DCP1A: variants seen among roughly 807,000 people sequenced by gnomAD.
The protein encoded by DCP1A is mRNA-decapping enzyme 1A.
Under a neutral mutation model 58.0 loss-of-function variants are expected in DCP1A, and 20 were observed. The observed-to-expected ratio is 0.34, with a 90% CI of 0.24 to 0.50. The LOEUF is 0.50. Among genes scored for constraint, DCP1A ranks in the 20% least tolerant of loss-of-function variants. DCP1A has a pLI of 0.98. For synonymous variants in DCP1A, 285 were observed against 275.1 expected, an observed-to-expected ratio of 1.04 and a Z score of -0.36; for missense variants, 613 against 712.2, an observed-to-expected ratio of 0.86 and a Z score of 1.59.
chr3:53,289,898 G>A (rs1553685730), intron 8 of DCP1A, among the ~76,000 whole-genome samples: 1 of 152,160 alleles, frequency 6.6e-6, no homozygotes, highest in African/African-American at 2.4e-5. Flanking sequence ...CAACGGTATG[G>A]TTTTTGGCAT....
intron 2 of DCP1A, among the ~76,000 whole-genome samples, chr3:53,343,145 C>T (rs1441340765): frequency 3.3e-5 from 5 of 152,172 alleles, no homozygotes; most frequent in African/African-American, 1.2e-4. Context: ...TAACAGAACA[C>T]TATTCTATAG....
chr3:53,338,477 C>T (rs782393858), intron 3 of DCP1A, among the ~76,000 whole-genome samples: 1 of 152,080 alleles, frequency 6.6e-6, no homozygotes, highest in East Asian at 1.9e-4. Flanking sequence ...AATCACCAAG[C>T]CTAAGCCCTT....
In DCP1A at chr3:53,347,030, AC is replaced by A. The variant is rs138841815; in HGVS notation, c.135+352del. On this transcript the variant is annotated intron_variant, in intron 1 of 9. Coordinates refer to ENST00000610213, the MANE Select transcript of DCP1A (RefSeq NM_018403.7). Reference sequence around the variant, plus strand: ...TCTAATAATCCGCAAAGCCTCAAACACAAGCTTTCAGGCACCCTTTTGACCC... The same window carrying A: ...TCTAATAATCCGCAAAGCCTCAAACAAAGCTTTCAGGCACCCTTTTGACCC... Among the ~76,000 whole-genome samples the A allele has an allele frequency of 6.3e-3, 964 of 152,272 alleles. 9 individuals are homozygous for A. Among genetic ancestry groups the A allele is most frequent in the African/African-American group, 0.022 (906 of 41,534 alleles).
At chr3:53,311,831 C>T (rs1707652064) in intron 5 of DCP1A, among the ~76,000 whole-genome samples, 1 of 152,140 alleles carries the variant, frequency 6.6e-6, no homozygotes, top group African/African-American at 2.4e-5. Flanking sequence ...CCATCTTCTC[C>T]CATAGTAATC....
At chr3:53,324,545 T>C (rs566940593) in intron 3 of DCP1A, among the ~76,000 whole-genome samples, 2 of 152,362 alleles carry the variant, frequency 1.3e-5, no homozygotes, top group South Asian at 2.1e-4. Context: ...TGATTAACTA[T>C]CCTACAGAGA....
intron 4 of DCP1A, among the ~76,000 whole-genome samples, chr3:53,315,749 T>TTG (rs1382143887): frequency 9.6e-6 from 1 of 104,368 alleles, no homozygotes; most frequent in African/African-American, 4.0e-5. Flanking sequence ...TTGTTGTTTT[T>TTG]TTTTTTTGTT....
chr3:53,314,715 G>C (rs1420658784), intron 4 of DCP1A, among the ~76,000 whole-genome samples: 1 of 131,178 alleles, frequency 7.6e-6, no homozygotes, highest in Non-Finnish European at 1.6e-5. Context: ...TCTGTCACCC[G>C]GGCTAGAGTG....
chr3:53,294,042 C>T (rs1277675899), intron 6 of DCP1A, among the ~76,000 whole-genome samples: 3 of 152,174 alleles, frequency 2.0e-5, no homozygotes, highest in Non-Finnish European at 2.9e-5. Flanking sequence ...AGCACAGCCA[C>T]TGAGAGCCAC....
chr3:53,310,324 G>A (rs1209449298), intron 5 of DCP1A, among the ~76,000 whole-genome samples: 1 of 152,164 alleles, frequency 6.6e-6, no homozygotes, highest in Non-Finnish European at 1.5e-5. Context: ...CCTGACCCTA[G>A]AGTTCCTTTA....
chr3:53,315,744 GTTTTTTTTTTTTGTT>G (rs1181288806), intron 4 of DCP1A, among the ~76,000 whole-genome samples: 4 of 95,434 alleles, frequency 4.2e-5, no homozygotes, highest in African/African-American at 1.3e-4. Flanking sequence ...TCAGTTTGTT[GTTTTTTTTTTTTGTT>G]TTTTTTTTTT....
intron 9 of DCP1A, 47 bp downstream of exon 9, chr3:53,288,018 T>G (rs2106783978): frequency 2.0e-6 from 3 of 1,523,956 alleles, no homozygotes; most frequent in Middle Eastern, 3.5e-4. Context: ...TAAAATTTCT[T>G]TCATTAAATA....
intron 3 of DCP1A, among the ~76,000 whole-genome samples, chr3:53,322,206 A>T (rs1296005388): frequency 3.9e-5 from 6 of 152,088 alleles, no homozygotes; most frequent in Non-Finnish European, 5.9e-5. Flanking sequence ...TAATCCTGGC[A>T]CCCTGGAAGG....
intron 4 of DCP1A, among the ~76,000 whole-genome samples, chr3:53,317,906 A>G (rs1575608761): frequency 6.6e-6 from 1 of 152,352 alleles, no homozygotes; most frequent in East Asian, 1.9e-4. Flanking sequence ...CAGGGGGCCG[A>G]TAACTTCCGA....
chr3:53,323,740 T>C lies in DCP1A; in HGVS notation c.305-4267A>G, dbSNP rs558659646. ...AGCTGGGCGTGGTGATGCATGTTTA[T>C]AATCCCAGCTACTCGGGAGGCTAAG... is the stretch of plus-strand genomic sequence containing the variant. On this transcript the variant is annotated intron_variant, in intron 3 of 9. Transcript: ENST00000610213. 2.0e-5 allele frequency among the ~76,000 whole-genome samples: 3 copies of C among 151,014 alleles called. No homozygotes were observed. In the South Asian group the frequency reaches 6.2e-4, roughly 31 times the overall value.
chr3:53,327,438 A>G (rs1187378048), intron 3 of DCP1A, among the ~76,000 whole-genome samples: 1 of 152,212 alleles, frequency 6.6e-6, no homozygotes, highest in Non-Finnish European at 1.5e-5. Flanking sequence ...GATGTATAAA[A>G]TATGGTAATT....
Position 53,342,451 on chromosome 3 carries a change from AG to A in DCP1A, c.177-181del, listed in dbSNP as rs568338646. 1.5e-4 allele frequency among the ~76,000 whole-genome samples: 23 copies of A among 152,354 alleles called. No individual in the cohort carries two copies. The South Asian group carries it at 4.8e-3, about 32-fold the overall frequency. ...AGATCATACTCCTCCTCTGACGAGA[AG>A]TCTCCAAAGACAGTCTCTCAGAGTA... On this transcript the variant is annotated intron_variant, in intron 2 of 9. Coordinates refer to ENST00000610213, the MANE Select transcript of DCP1A (RefSeq NM_018403.7).
At chr3:53,317,430 G>T (rs1707846463) in intron 4 of DCP1A, among the ~76,000 whole-genome samples, 2 of 152,226 alleles carry the variant, frequency 1.3e-5, no homozygotes, top group South Asian at 4.1e-4. Context: ...CCACCAAAGT[G>T]CTAGGATTAC....
intron 3 of DCP1A, among the ~76,000 whole-genome samples, chr3:53,326,871 C>T (rs559253139): frequency 2.6e-4 from 39 of 152,188 alleles, no homozygotes; most frequent in African/African-American, 8.4e-4. Context: ...CCCCAATCCC[C>T]GTCCATTGAA....
intron 3 of DCP1A, among the ~76,000 whole-genome samples, chr3:53,330,048 T>G (rs1553691116): frequency 6.6e-6 from 1 of 151,938 alleles, no homozygotes; most frequent in Non-Finnish European, 1.5e-5. Context: ...CAAGAAAAAA[T>G]ATGTACATAC....
Sources: allele counts gnomAD v4.1 joint callset (sites outside exome capture counted in the v4.1 genomes callset), GRCh38; gene constraint gnomAD v4.1.1; transcripts MANE v1.5; gene names NCBI Gene and HGNC (gene_info 2026-07-23, HGNC 2026-07-21).